Variants in LDB2 observed in about 807,000 individuals in gnomAD.
LDB2 encodes the protein LIM domain-binding protein 2.
In LDB2, 12 loss-of-function variants were observed where a neutral mutation model predicts 44.3. The observed-to-expected ratio is 0.27, with a 90% CI of 0.17 to 0.44. The LOEUF is 0.44. Among genes scored for constraint, LDB2 ranks in the 20% least tolerant of loss-of-function variants. The pLI, the probability that LDB2 is intolerant of heterozygous loss-of-function variation, is 1.00. For missense variants in LDB2, 344 were observed against 473.5 expected (o/e 0.73, Z 2.54); for synonymous variants, 164 against 174.8 (o/e 0.94, Z 0.49).
intron 2 of LDB2, among the ~76,000 whole-genome samples, chr4:16,681,791 T>G (rs1372944902): frequency 1.3e-5 from 2 of 152,002 alleles, no homozygotes; most frequent in Non-Finnish European, 2.9e-5. Context: ...CAGGATGGTC[T>G]GGATCTTCTG....
chr4:16,776,261 A>G (rs1771880960), intron 1 of LDB2, among the ~76,000 whole-genome samples: 1 of 152,210 alleles, frequency 6.6e-6, no homozygotes, highest in African/African-American at 2.4e-5. Flanking sequence ...GACAATTCCA[A>G]GGGTCCTTCC....
chr4:16,514,302 A>G (rs538588931), intron 5 of LDB2, among the ~76,000 whole-genome samples: 2 of 152,334 alleles, frequency 1.3e-5, no homozygotes, highest in East Asian at 1.9e-4. Context: ...GACCCTTATA[A>G]TAGGTAAGAA....
intron 1 of LDB2, among the ~76,000 whole-genome samples, chr4:16,813,701 C>T (rs62296630): frequency 2.6e-5 from 4 of 152,060 alleles, no homozygotes; most frequent in Non-Finnish European, 4.4e-5. Flanking sequence ...GTGAGGGGAC[C>T]AGAGAGGATG....
intron 1 of LDB2, among the ~76,000 whole-genome samples, chr4:16,884,599 G>A (rs1721106652): frequency 6.6e-6 from 1 of 151,970 alleles, no homozygotes; most frequent in African/African-American, 2.4e-5. Context: ...TCTCTAATTG[G>A]CAAATTCCCA....
intron 1 of LDB2, among the ~76,000 whole-genome samples, chr4:16,786,707 C>T (rs1774503472): frequency 6.6e-6 from 1 of 152,186 alleles, no homozygotes; most frequent in South Asian, 2.1e-4. Context: ...TTATTGTTTT[C>T]TCTTTTGCCA....
chr4:16,696,031 T>C (rs1247367009), intron 2 of LDB2, among the ~76,000 whole-genome samples: 1 of 152,092 alleles, frequency 6.6e-6, no homozygotes, highest in Non-Finnish European at 1.5e-5. Flanking sequence ...TGCAGAGCAA[T>C]GGGATCCCTG....
intron 1 of LDB2, among the ~76,000 whole-genome samples, chr4:16,816,623 A>G (rs1227507508): frequency 6.6e-6 from 1 of 151,712 alleles, no homozygotes; most frequent in Non-Finnish European, 1.5e-5. Context: ...GTTTGCCAGG[A>G]TGGTCTCAAA....
chr4:16,799,999 A>T (rs1777465611), intron 1 of LDB2, among the ~76,000 whole-genome samples: 1 of 152,166 alleles, frequency 6.6e-6, no homozygotes, highest in Non-Finnish European at 1.5e-5. Flanking sequence ...CTTTGTTCAA[A>T]TGGTATTATA....
chr4:16,795,865 C>T (rs1284929770), intron 1 of LDB2, among the ~76,000 whole-genome samples: 1 of 152,136 alleles, frequency 6.6e-6, no homozygotes, highest in Non-Finnish European at 1.5e-5. Context: ...TAGACAAATG[C>T]TATTGCTATA....
At chr4:16,858,762 G>A (rs1038078808) in intron 1 of LDB2, among the ~76,000 whole-genome samples, 14 of 151,896 alleles carry the variant, frequency 9.2e-5, no homozygotes, top group Admixed American at 1.3e-4. Flanking sequence ...CAATTATTTC[G>A]GCAACATCCT....
At chr4:16,649,830 TTAAAGTTCCTCTGAAGTCAGAGCTACTC>T (rs1737775644) in intron 2 of LDB2, among the ~76,000 whole-genome samples, 1 of 152,192 alleles carries the variant, frequency 6.6e-6, no homozygotes, top group African/African-American at 2.4e-5. Flanking sequence ...TGCCATGCTA[TTAAAGTTCCTCTGAAGTCAGAGCTACTC>T]GAAACAGGGT....
chr4:16,694,311 A>G (rs1431819615), intron 2 of LDB2, among the ~76,000 whole-genome samples: 1 of 152,180 alleles, frequency 6.6e-6, no homozygotes, highest in Non-Finnish European at 1.5e-5. Flanking sequence ...CAATTTGGAG[A>G]AGAAACTCAG....
intron 1 of LDB2, among the ~76,000 whole-genome samples, chr4:16,855,752 G>C (rs1265882635): frequency 1.3e-5 from 2 of 151,976 alleles, no homozygotes; most frequent in Non-Finnish European, 2.9e-5. Flanking sequence ...ATTAATGAGT[G>C]TGATTTTTTT....
intron 5 of LDB2, among the ~76,000 whole-genome samples, chr4:16,583,508 A>G (rs1223580736): frequency 6.6e-6 from 1 of 152,180 alleles, no homozygotes; most frequent in African/African-American, 2.4e-5. Context: ...TGGAGGCTTC[A>G]GATCTTAAGG....
intron 2 of LDB2, among the ~76,000 whole-genome samples, chr4:16,606,968 C>A (rs894203808): frequency 6.6e-6 from 1 of 152,174 alleles, no homozygotes; most frequent in Non-Finnish European, 1.5e-5. Flanking sequence ...GAATCATCAA[C>A]CGTTAGCAAT....
At position 16,644,861 on chromosome 4, in the gene LDB2, G is replaced by A. The variant is rs549915377; in HGVS notation, c.236-48986C>T. On this transcript the variant is annotated intron_variant, in intron 2 of 7. Coordinates refer to ENST00000304523, the MANE Select transcript of LDB2 (RefSeq NM_001290.5). ...CTTCCATATCAGATATTCAGGTCAA[G>A]TAGCTTTCAGGCACCCTTATATTTT... Among the ~76,000 whole-genome samples the A allele has an allele frequency of 2.9e-4, 44 of 152,240 alleles. No individual in the cohort carries two copies. The South Asian group carries it at 8.9e-3, about 31-fold the overall frequency.
intron 1 of LDB2, among the ~76,000 whole-genome samples, chr4:16,841,031 G>A (rs1345227196): frequency 1.3e-5 from 2 of 151,654 alleles, no homozygotes; most frequent in African/African-American, 4.8e-5. Flanking sequence ...CATTCAAACC[G>A]CATCTCATGC....
intron 5 of LDB2, among the ~76,000 whole-genome samples, chr4:16,570,856 G>A (rs1289494078): frequency 1.3e-5 from 2 of 152,058 alleles, no homozygotes; most frequent in Non-Finnish European, 2.9e-5. Context: ...CACTTTTCTG[G>A]TACTATTTTA....
chr4:16,525,238 T>G (rs1297001893), intron 5 of LDB2, among the ~76,000 whole-genome samples: 8 of 152,092 alleles, frequency 5.3e-5, no homozygotes, highest in Admixed American at 2.6e-4. Flanking sequence ...TGCTGATCAG[T>G]GTGGGGATGT....
Sources: allele counts gnomAD v4.1 joint callset (sites outside exome capture counted in the v4.1 genomes callset), GRCh38; gene constraint gnomAD v4.1.1; transcripts MANE v1.5; gene names NCBI Gene and HGNC (gene_info 2026-07-23, HGNC 2026-07-21).